Variants in GRIK4 observed in about 807,000 individuals in gnomAD.
GRIK4 encodes the protein glutamate ionotropic receptor kainate type subunit 4.
A neutral mutation model predicts 104.9 loss-of-function variants in GRIK4; 40 were observed. The observed-to-expected ratio is 0.38, with a 90% confidence interval of 0.30 to 0.50. The LOEUF (loss-of-function observed/expected upper bound fraction) is 0.50, where lower values mean the gene tolerates loss of function less well. Among genes scored for constraint, GRIK4 ranks in the 20% least tolerant of loss-of-function variants. The pLI is 0.93. For missense variants in GRIK4, 1,047 were observed against 1,308.1 expected, an observed-to-expected ratio of 0.80 and a Z score of 3.08; for synonymous variants, 485 against 524.9, an observed-to-expected ratio of 0.92 and a Z score of 1.04.
rs1349487237 is a variant in GRIK4 at position 120,524,411 on chromosome 11, T to C, written c.-159+12524T>C. Among the ~76,000 whole-genome samples the C allele has an allele frequency of 6.6e-6, 1 of 152,146 alleles. No homozygotes were observed. The highest frequency in any genetic ancestry group is 1.5e-5 in the Non-Finnish European group (1 of 68,020). On this transcript the variant is annotated intron_variant, in intron 1 of 20. Transcript: ENST00000527524. This position sits in a 1 kb window ranked among gnomAD's most constrained non-coding sequence, Gnocchi z 4.5. ...CCTTCGACTCGCAGATGTATGGGAT[T>C]GAAAAGTCAATTGTGTGATCTTAAA...
chr11:120,711,743 C>G (rs1397087011), intron 3 of GRIK4, among the ~76,000 whole-genome samples: 6 of 152,150 alleles, frequency 3.9e-5, no homozygotes, highest in Non-Finnish European at 5.9e-5. Context: ...GCTAATGTAC[C>G]CTGAACCTGC....
intron 1 of GRIK4, among the ~76,000 whole-genome samples, chr11:120,554,649 C>T (rs902553903): frequency 6.6e-6 from 1 of 151,984 alleles, no homozygotes; most frequent in African/African-American, 2.4e-5. Context: ...ACCTCCGCCT[C>T]CCGGGTTCAA....
chr11:120,812,097 G>A (rs1952841241), intron 4 of GRIK4, among the ~76,000 whole-genome samples: 1 of 152,238 alleles, frequency 6.6e-6, no homozygotes, highest in African/African-American at 2.4e-5. Context: ...AGGTTATAAA[G>A]AGGGGTTGAC....
chr11:120,904,519 T>G (rs1483652189), intron 12 of GRIK4, among the ~76,000 whole-genome samples: 1 of 152,252 alleles, frequency 6.6e-6, no homozygotes, highest in East Asian at 1.9e-4. Context: ...TTAGTATTCC[T>G]TACTCGCAGC....
intron 6 of GRIK4, among the ~76,000 whole-genome samples, chr11:120,829,998 G>A (rs777044931): frequency 6.6e-6 from 1 of 152,184 alleles, no homozygotes; most frequent in Non-Finnish European, 1.5e-5. Context: ...CAGCTGGGCT[G>A]TTTCTGAAGC....
At chr11:120,601,023 C>G (rs1042878202) in intron 1 of GRIK4, among the ~76,000 whole-genome samples, 5 of 152,220 alleles carry the variant, frequency 3.3e-5, no homozygotes, top group Non-Finnish European at 7.3e-5. Flanking sequence ...CCACTGCACT[C>G]TAGCCTGGTG....
intron 3 of GRIK4, among the ~76,000 whole-genome samples, chr11:120,733,881 G>A (rs1266062246): frequency 1.3e-5 from 2 of 151,918 alleles, no homozygotes; most frequent in African/African-American, 4.8e-5. Context: ...GGGATTACAG[G>A]CACCCGCCAC....
chr11:120,609,259 G>T (rs1436368072), intron 1 of GRIK4, among the ~76,000 whole-genome samples: 2 of 151,978 alleles, frequency 1.3e-5, no homozygotes, highest in African/African-American at 4.8e-5. Flanking sequence ...GACAGTTCTG[G>T]GCTTGCATCT....
chr11:120,836,804 G>A lies in GRIK4; in HGVS notation c.704G>A (p.Gly235Glu). The change falls in exon 8 of 21, where the codon GGG becomes GAG. Residue 235 changes from glycine to glutamate, a missense_variant. Physicochemically the swap from Gly to Glu is moderately conservative, Grantham distance 98. Around this residue, in one of 3 missense-constraint regions of GRIK4, gnomAD observed 447 missense variants for 514.9 expected, o/e 0.87. Coordinates refer to ENST00000527524, the MANE Select transcript of GRIK4 (RefSeq NM_014619.5). ...TTCGCCTTGCAGGCAGCCGAACTTG[G>A]GATGGTGTCAGCCTATTACACATAC... ...HTILLKAAEL[G>E]MVSAYYTYIF... is the part of the protein sequence containing the mutation. 6.2e-7 allele frequency: 1 copy of A among 1,608,296 alleles called. No homozygotes were observed. Among genetic ancestry groups the A allele is most frequent in the Non-Finnish European group, 8.5e-7 (1 of 1,174,676 alleles).
intron 1 of GRIK4, among the ~76,000 whole-genome samples, chr11:120,563,249 A>G (rs987530735): frequency 6.6e-6 from 1 of 152,050 alleles, no homozygotes; most frequent in African/African-American, 2.4e-5. Context: ...GTTTGGGTGT[A>G]CATCTCCTAG....
At chr11:120,848,702 G>A (rs1953906190) in intron 8 of GRIK4, among the ~76,000 whole-genome samples, 1 of 152,144 alleles carries the variant, frequency 6.6e-6, no homozygotes, top group South Asian at 2.1e-4. Context: ...AGTTATCCTG[G>A]AAGAATAGCC....
chr11:120,512,067 C>G (rs917853091), intron 1 of GRIK4, among the ~76,000 whole-genome samples, 180 bp downstream of exon 1: 1 of 148,830 alleles, frequency 6.7e-6, no homozygotes, highest in Non-Finnish European at 1.5e-5. Flanking sequence ...CCCTCCTCCC[C>G]GCTCCCGCCT....
At chr11:120,689,080 TG>T (rs1950316477) in intron 3 of GRIK4, among the ~76,000 whole-genome samples, 1 of 152,066 alleles carries the variant, frequency 6.6e-6, no homozygotes, top group African/African-American at 2.4e-5. Context: ...CCTGCTGCAT[TG>T]GGAGCACCAA....
intron 13 of GRIK4, among the ~76,000 whole-genome samples, chr11:120,906,773 C>T (rs1284003923): frequency 6.6e-6 from 1 of 152,110 alleles, no homozygotes; most frequent in African/African-American, 2.4e-5. Flanking sequence ...CAGGAGTTTG[C>T]CTGACGGAAC....
intron 14 of GRIK4, among the ~76,000 whole-genome samples, chr11:120,949,152 T>C (rs1416782215): frequency 6.6e-6 from 1 of 152,180 alleles, no homozygotes; most frequent in Non-Finnish European, 1.5e-5. Context: ...AACAGATTGT[T>C]TTTAAGGATA....
In GRIK4 at chr11:120,956,671, G is replaced by T; in HGVS notation, c.1701-109G>T. On this transcript the variant is annotated intron_variant, in intron 15 of 20. Coordinates refer to ENST00000527524, the MANE Select transcript of GRIK4 (RefSeq NM_014619.5). The surrounding 1 kb of genome is among the most constrained non-coding windows in gnomAD (Gnocchi z 4.6). ...CAAGTCCAGCAAAGGGAAGTGGCTT[G>T]CCCAAGGCCACAGGCCGGTCTCAGA... is the stretch of plus-strand genomic sequence containing the variant. 1 of 663,270 alleles carries T rather than the reference G, an allele frequency of 1.5e-6. No homozygotes were observed. The allele number at this position is 663,270 out of a possible 1,614,324, so 41.1% of individuals were successfully genotyped here.
intron 3 of GRIK4, among the ~76,000 whole-genome samples, chr11:120,787,847 C>CTTCTTTTTTTTTTTTTTTTTTTT (rs1565352273): frequency 1.8e-5 from 1 of 55,578 alleles, no homozygotes; most frequent in African/African-American, 6.9e-5. Flanking sequence ...TTTTTCTTTT[C>CTTCTTTTTTTTTTTTTTTTTTTT]TTTTCTTTTT....
At chr11:120,582,015 G>A (rs1186887056) in intron 1 of GRIK4, among the ~76,000 whole-genome samples, 2 of 151,408 alleles carry the variant, frequency 1.3e-5, no homozygotes, top group African/African-American at 4.9e-5. Flanking sequence ...CACTGTGTTA[G>A]CCAGGATGGT....
chr11:120,762,416 A>T (rs1438609365), intron 3 of GRIK4, among the ~76,000 whole-genome samples: 1 of 152,174 alleles, frequency 6.6e-6, no homozygotes, highest in Non-Finnish European at 1.5e-5. Flanking sequence ...CTCTCTTCCT[A>T]TTTGAATACC....
Sources: allele counts gnomAD v4.1 joint callset (sites outside exome capture counted in the v4.1 genomes callset), GRCh38; gene constraint gnomAD v4.1.1; regional missense constraint gnomAD v4.1.1; non-coding constraint Gnocchi (gnomAD v3.1); transcripts MANE v1.5; gene names NCBI Gene and HGNC (gene_info 2026-07-23, HGNC 2026-07-21).